CACNA2D1: variants seen among roughly 807,000 people sequenced by gnomAD.
CACNA2D1 encodes calcium voltage-gated channel auxiliary subunit alpha2delta 1.
Under a neutral mutation model 171.5 loss-of-function variants are expected in CACNA2D1, and 53 were observed. That is an observed-to-expected ratio of 0.31 (90% CI 0.25 to 0.39). The LOEUF (loss-of-function observed/expected upper bound fraction) is 0.39, where lower values mean the gene tolerates loss of function less well. CACNA2D1 is among the 10% of genes least tolerant of loss of function. CACNA2D1 has a pLI of 1.00. For synonymous variants in CACNA2D1, 442 were observed against 443.1 expected (o/e 1.00, Z 0.03); for missense variants, 903 against 1,299.8 (o/e 0.69, Z 4.69).
At chr7:81,969,364 T>G (rs901317018) in intron 28 of CACNA2D1, among the ~76,000 whole-genome samples, 1 of 151,400 alleles carries the variant, frequency 6.6e-6, no homozygotes, top group Non-Finnish European at 1.5e-5. Context: ...GGGCAAAACT[T>G]TGAAATTCTC....
chr7:81,959,168 G>T (rs1793795978), intron 38 of CACNA2D1, 107 bp downstream of exon 38: 4 of 796,610 alleles, frequency 5.0e-6, no homozygotes, highest in Non-Finnish European at 8.9e-6. Flanking sequence ...GAAAAACTAT[G>T]GTTAAGACAT....
chr7:82,041,522 G>A (rs1803964745), intron 10 of CACNA2D1, among the ~76,000 whole-genome samples: 1 of 151,998 alleles, frequency 6.6e-6, no homozygotes, highest in Non-Finnish European at 1.5e-5. Context: ...AAAAACAAGA[G>A]GTAAAATGTC....
chr7:82,359,005 T>C (rs1820778483), intron 1 of CACNA2D1, among the ~76,000 whole-genome samples: 1 of 152,172 alleles, frequency 6.6e-6, no homozygotes, highest in South Asian at 2.1e-4. Flanking sequence ...GGGAGTGTTC[T>C]CATACATGAG....
intron 14 of CACNA2D1, 104 bp downstream of exon 14, chr7:82,013,357 G>T: frequency 1.4e-5 from 5 of 354,352 alleles, no homozygotes; most frequent in Non-Finnish European, 1.4e-5. Context: ...TAATATTATA[G>T]ATCTTTTCAT....
chr7:82,125,562 A>T (rs1790237675), intron 5 of CACNA2D1, among the ~76,000 whole-genome samples: 1 of 152,134 alleles, frequency 6.6e-6, no homozygotes, highest in Admixed American at 6.6e-5. Flanking sequence ...GTTTATTTTA[A>T]CATCTACTTT....
At chr7:82,209,463 G>A (rs984218029) in intron 3 of CACNA2D1, among the ~76,000 whole-genome samples, 2 of 152,200 alleles carry the variant, frequency 1.3e-5, no homozygotes, top group Non-Finnish European at 2.9e-5. Flanking sequence ...CAAAGTGGAA[G>A]TGAGTGATAG....
At chr7:82,273,857 A>C (rs1164845883) in intron 3 of CACNA2D1, among the ~76,000 whole-genome samples, 1 of 152,196 alleles carries the variant, frequency 6.6e-6, no homozygotes, top group African/African-American at 2.4e-5. Context: ...GATGTTAATA[A>C]TATTTATACC....
At chr7:82,376,119 A>G (rs781600666) in intron 1 of CACNA2D1, among the ~76,000 whole-genome samples, 2 of 152,218 alleles carry the variant, frequency 1.3e-5, no homozygotes, top group African/African-American at 4.8e-5. Flanking sequence ...TCAGCCTGGG[A>G]GATGGGTAAG....
intron 12 of CACNA2D1, among the ~76,000 whole-genome samples, chr7:82,022,799 C>T (rs1028041442): frequency 1.3e-5 from 2 of 151,798 alleles, no homozygotes; most frequent in Admixed American, 1.3e-4. Context: ...AAGAATAATG[C>T]ATTCTCAAAA....
intron 3 of CACNA2D1, among the ~76,000 whole-genome samples, chr7:82,239,888 C>A (rs372280013): frequency 6.6e-5 from 10 of 152,006 alleles, no homozygotes; most frequent in African/African-American, 2.4e-4. Context: ...CAATGGGACT[C>A]GTTTTCAGGT....
chr7:82,095,651 A>T (rs551967602), intron 6 of CACNA2D1, among the ~76,000 whole-genome samples: 11 of 152,374 alleles, frequency 7.2e-5, no homozygotes, highest in African/African-American at 2.6e-4. Context: ...GTTTTGGTAC[A>T]TACTAACAAT....
intron 3 of CACNA2D1, among the ~76,000 whole-genome samples, chr7:82,200,291 T>C (rs1218264820): frequency 2.0e-5 from 3 of 152,024 alleles, no homozygotes; most frequent in South Asian, 2.1e-4. Context: ...TATATAAATA[T>C]ATAACATTCA....
chr7:82,356,171 A>G (rs1359390551), intron 1 of CACNA2D1, among the ~76,000 whole-genome samples: 1 of 152,118 alleles, frequency 6.6e-6, no homozygotes, highest in Admixed American at 6.6e-5. Flanking sequence ...TCATTTAGTC[A>G]TCATAAAAAC....
At chr7:82,260,106 C>A (rs1806879156) in intron 3 of CACNA2D1, among the ~76,000 whole-genome samples, 1 of 152,020 alleles carries the variant, frequency 6.6e-6, no homozygotes, top group African/African-American at 2.4e-5. Context: ...CCTGTAATCC[C>A]AGCTTCTTGG....
At chr7:82,012,036 A>G in intron 15 of CACNA2D1, 118 bp downstream of exon 15, 2 of 730,222 alleles carry the variant, frequency 2.7e-6, no homozygotes, top group South Asian at 2.9e-5. Flanking sequence ...TCTGTGATAG[A>G]AGAAATTTTG....
chr7:82,413,270 C>T (rs1827854365), intron 1 of CACNA2D1, among the ~76,000 whole-genome samples: 1 of 152,158 alleles, frequency 6.6e-6, no homozygotes, highest in South Asian at 2.1e-4. Context: ...TTTTTCATCT[C>T]TAATATTTAA....
Position 82,099,576 on chromosome 7 carries a change from A to T in CACNA2D1, c.527-14676T>A, listed in dbSNP as rs1330088532. On this transcript the variant is annotated intron_variant, in intron 6 of 38. Coordinates refer to ENST00000356860, the MANE Select transcript of CACNA2D1 (RefSeq NM_000722.4). ...GCCATTCTCCTGCCTCAGCCTCCCA[A>T]GTAGCTGGGACTACAGGCGCCCGCC... Among the ~76,000 whole-genome samples, 21 of 104,650 alleles carry T rather than the reference A, an allele frequency of 2.0e-4. 2 individuals carry two copies. Among genetic ancestry groups the T allele is most frequent in the Middle Eastern group, 4.8e-3 (1 of 210 alleles). The allele number at this position is 104,650 out of a possible 152,430, so 68.7% of individuals were successfully genotyped here.
rs1286707299 is a variant in CACNA2D1, at chr7:82,103,325, CAG to C, written c.526+13717_526+13718del. On this transcript the variant is annotated intron_variant, in intron 6 of 38. Transcript: ENST00000356860. ...AATAAGGAATAATCTAACAAAAAAA[CAG>C]AAAGTCTGGAATGTGTTTAGAATTA... Among the ~76,000 whole-genome samples, 71 of 151,998 alleles carry C rather than the reference CAG, an allele frequency of 4.7e-4. 1 individual carries two copies. The highest frequency in any genetic ancestry group is 7.2e-5 in the African/African-American group (3 of 41,398).
chr7:82,245,788 T>C (rs149592245), intron 3 of CACNA2D1, among the ~76,000 whole-genome samples: 1 of 152,216 alleles, frequency 6.6e-6, no homozygotes, highest in East Asian at 1.9e-4. Context: ...TAAAGATACA[T>C]GTATGTTATG....
Sources: gnomAD v4.1 joint callset for allele counts (sites outside exome capture counted in the v4.1 genomes callset) on GRCh38, gnomAD v4.1.1 for gene constraint, MANE v1.5 for transcripts, NCBI Gene and HGNC (gene_info 2026-07-23, HGNC 2026-07-21) for gene names.